Variants in NEXMIF observed in about 807,000 individuals in gnomAD.
The protein encoded by NEXMIF is XLMR protein related to neurite extension.
A neutral mutation model predicts 62.1 loss-of-function variants in NEXMIF; 8 were observed. The ratio of observed to expected loss-of-function variants is 0.13; its 90% CI spans 0.08 to 0.23. NEXMIF has a LOEUF of 0.23. NEXMIF is among the 10% of genes least tolerant of loss of function. The pLI is 1.00. For missense variants in NEXMIF, 976 were observed against 1,113.3 expected (o/e 0.88, Z 1.75); for synonymous variants, 404 against 416.6 (o/e 0.97, Z 0.37).
chrX:74,883,817 G>A lies in NEXMIF; in HGVS notation c.-48+41066C>T, dbSNP rs189095189. Among the ~76,000 whole-genome samples the A allele has an allele frequency of 2.5e-3, 280 of 111,383 alleles. 2 individuals carry two copies. The highest frequency in any genetic ancestry group is 4.2e-3 in the Non-Finnish European group (223 of 53,154). On this transcript the variant is annotated intron_variant, in intron 1 of 3. Coordinates refer to ENST00000055682, the MANE Select transcript of NEXMIF (RefSeq NM_001008537.3). ...AGAACGCCACAAAGATACTCCTCAA[G>A]AAGAGCAACTCCAAGACACATAATT...
intron 1 of NEXMIF, among the ~76,000 whole-genome samples, chrX:74,881,893 G>T (rs1164980949): frequency 9.0e-6 from 1 of 111,635 alleles, no homozygotes; most frequent in African/African-American, 3.3e-5. Context: ...ACAGGAAAGG[G>T]CCTCTGCCAC....
intron 1 of NEXMIF, among the ~76,000 whole-genome samples, chrX:74,904,962 T>A (rs1387495562): frequency 1.8e-5 from 2 of 111,455 alleles, no homozygotes; most frequent in Non-Finnish European, 3.8e-5. Context: ...CTAGAACCTT[T>A]GCAAATCAAG....
intron 1 of NEXMIF, among the ~76,000 whole-genome samples, chrX:74,874,128 C>T (rs1362023609): frequency 8.4e-5 from 9 of 106,571 alleles, no homozygotes; most frequent in Admixed American, 5.2e-4. Context: ...GGTTTTAGGT[C>T]TAACGTTTAA....
At chrX:74,822,962 C>A (rs2080402142) in intron 1 of NEXMIF, among the ~76,000 whole-genome samples, 2 of 111,667 alleles carry the variant, frequency 1.8e-5, no homozygotes, top group Non-Finnish European at 3.8e-5. Context: ...AAATGTTCCT[C>A]ACATTATGAA....
At chrX:74,749,161 G>A (rs1373425768) in intron 1 of NEXMIF, among the ~76,000 whole-genome samples, 1 of 111,185 alleles carries the variant, frequency 9.0e-6, no homozygotes, top group African/African-American at 3.3e-5. Flanking sequence ...CAAATGGAGG[G>A]AAATTACTCC....
At chrX:74,844,501 C>A (rs2080484891) in intron 1 of NEXMIF, among the ~76,000 whole-genome samples, 1 of 111,263 alleles carries the variant, frequency 9.0e-6, no homozygotes, top group African/African-American at 3.3e-5. Flanking sequence ...ACCATTTACC[C>A]CAAAAGAAAA....
chrX:74,915,191 A>C (rs1266617599), intron 1 of NEXMIF, among the ~76,000 whole-genome samples: 2 of 111,788 alleles, frequency 1.8e-5, no homozygotes, highest in Admixed American at 1.9e-4. Context: ...AATCCAAGCA[A>C]TTTGGGAGGC....
intron 1 of NEXMIF, among the ~76,000 whole-genome samples, chrX:74,910,607 G>A (rs1018048013): frequency 1.8e-5 from 2 of 111,522 alleles, no homozygotes; most frequent in Non-Finnish European, 3.8e-5. Flanking sequence ...GGCGTGTTTG[G>A]TTTTGAAATG....
intron 1 of NEXMIF, among the ~76,000 whole-genome samples, chrX:74,771,755 A>G (rs1021792740): frequency 9.0e-6 from 1 of 111,484 alleles, no homozygotes; most frequent in African/African-American, 3.3e-5. Flanking sequence ...TAATAAAAAT[A>G]ATAGTTACCT....
chrX:74,885,352 C>G (rs1247775783), intron 1 of NEXMIF, among the ~76,000 whole-genome samples: 1 of 111,169 alleles, frequency 9.0e-6, no homozygotes, highest in South Asian at 3.8e-4. Context: ...ATCAGTGAAC[C>G]CTGGAGCTGG....
At chrX:74,789,722 C>T (rs1429113483) in intron 1 of NEXMIF, among the ~76,000 whole-genome samples, 3 of 110,250 alleles carry the variant, frequency 2.7e-5, no homozygotes, top group South Asian at 3.9e-4. Flanking sequence ...TCTCTGATGG[C>T]CAGTGATGAT....
chrX:74,794,518 C>G (rs921703267), intron 1 of NEXMIF, among the ~76,000 whole-genome samples: 2 of 112,185 alleles, frequency 1.8e-5, no homozygotes, highest in African/African-American at 6.5e-5. Context: ...TTCGAGCTTC[C>G]CGGCTGCTTT....
intron 1 of NEXMIF, among the ~76,000 whole-genome samples, chrX:74,858,612 A>G (rs2080544105): frequency 9.0e-6 from 1 of 111,362 alleles, no homozygotes; most frequent in East Asian, 2.8e-4. Flanking sequence ...CAATTAGTAG[A>G]CACGGATGAA....
chrX:74,863,393 A>C (rs1569357304), intron 1 of NEXMIF, among the ~76,000 whole-genome samples: 1 of 111,477 alleles, frequency 9.0e-6, no homozygotes, highest in Non-Finnish European at 1.9e-5. Flanking sequence ...AGCTAGACTA[A>C]TGAGAGAGAA....
intron 1 of NEXMIF, among the ~76,000 whole-genome samples, chrX:74,746,906 G>A (rs753069072): frequency 1.8e-5 from 2 of 112,685 alleles, no homozygotes; most frequent in South Asian, 7.3e-4. Context: ...CCAGGGAAAA[G>A]AGAAAATATA....
intron 1 of NEXMIF, among the ~76,000 whole-genome samples, chrX:74,888,804 A>G (rs1253458166): frequency 1.8e-5 from 2 of 112,209 alleles, no homozygotes; most frequent in African/African-American, 6.5e-5. Flanking sequence ...ACTTTTACTC[A>G]CCTAGACGAA....
At chrX:74,744,915 C>CT (rs1171232645) in intron 2 of NEXMIF, among the ~76,000 whole-genome samples, 35 of 75,926 alleles carry the variant, frequency 4.6e-4, no homozygotes, top group South Asian at 3.0e-3. Flanking sequence ...CTCTCTCTCT[C>CT]TCTCTTCTCT....
At position 74,843,899 on chromosome X, in the gene NEXMIF, G is replaced by A. The variant is rs758226893; in HGVS notation, c.-48+80984C>T. ...GACACTGGTCTGTGTGTTTAAGTGT[G>A]TTTTTGTATTAGCCAGTAGCAGCCT... On this transcript the variant is annotated intron_variant, in intron 1 of 3. Coordinates refer to ENST00000055682, the MANE Select transcript of NEXMIF (RefSeq NM_001008537.3). 3.6e-5 allele frequency among the ~76,000 whole-genome samples: 4 copies of A among 112,158 alleles called. No homozygotes were observed. In the South Asian group the frequency reaches 1.5e-3, roughly 42 times the overall value.
chrX:74,837,806 T>A (rs2080462035), intron 1 of NEXMIF, among the ~76,000 whole-genome samples: 1 of 111,870 alleles, frequency 8.9e-6, no homozygotes, highest in South Asian at 3.7e-4. Flanking sequence ...TTGTTATATG[T>A]AACTAACAGC....
Sources: allele counts gnomAD v4.1 joint callset (sites outside exome capture counted in the v4.1 genomes callset), GRCh38; gene constraint gnomAD v4.1.1; transcripts MANE v1.5; gene names NCBI Gene and HGNC (gene_info 2026-07-23, HGNC 2026-07-21).